PPP1R12A: variants seen among roughly 807,000 people sequenced by gnomAD.
PPP1R12A encodes myosin binding subunit.
Under a neutral mutation model 139.6 loss-of-function variants are expected in PPP1R12A, and 19 were observed. The ratio of observed to expected loss-of-function variants is 0.14; its 90% confidence interval spans 0.09 to 0.20. The LOEUF is 0.20. Among genes scored for constraint, PPP1R12A ranks in the 10% least tolerant of loss-of-function variants. The probability of loss-of-function intolerance (pLI) is 1.00; values close to 1 mark genes in which losing one functional copy is unlikely to be tolerated. For missense variants in PPP1R12A, 925 were observed against 1,211.5 expected (o/e 0.76, Z 3.51); for synonymous variants, 427 against 420.6 (o/e 1.02, Z -0.19).
Position 79,790,495 on chromosome 12 carries a change from G to A in PPP1R12A, c.2650-12C>T. ...GAAATGGAATCCGTCTGGAAAGAAA[G>A]AGAAAAACATAGGCATACTAAATTT... On this transcript the variant is annotated splice_polypyrimidine_tract_variant and intron_variant, in intron 19 of 24. Coordinates refer to ENST00000450142, the MANE Select transcript of PPP1R12A (RefSeq NM_002480.3). 1 of 1,382,442 alleles carries A rather than the reference G, an allele frequency of 7.2e-7. No homozygotes were observed. The highest frequency in any genetic ancestry group is 9.7e-7 in the Non-Finnish European group (1 of 1,026,828). The allele number at this position is 1,382,442 out of a possible 1,614,324, so 85.6% of individuals were successfully genotyped here. A position where few individuals can be genotyped will look rare whatever the true frequency, so the allele number is the denominator to read the frequency against.
intron 17 of PPP1R12A, 109 bp downstream of exon 17, chr12:79,796,673 A>G: frequency 2.3e-6 from 2 of 882,064 alleles, no homozygotes; most frequent in Non-Finnish European, 3.3e-6. Flanking sequence ...GGTTCGATGA[A>G]TCACAAGTTA....
chr12:79,777,129 G>A (rs1406722018), intron 24 of PPP1R12A: 1 of 901,382 alleles, frequency 1.1e-6, no homozygotes, highest in African/African-American at 1.8e-5. Flanking sequence ...AAAACATAAT[G>A]CATGCTTAAT....
At chr12:79,911,809 A>G (rs1268095554) in intron 1 of PPP1R12A, among the ~76,000 whole-genome samples, 1 of 151,410 alleles carries the variant, frequency 6.6e-6, no homozygotes, top group Non-Finnish European at 1.5e-5. Context: ...TCCAGGCACA[A>G]CTCTCCTCTC....
chr12:79,888,370 C>T (rs1026515371), intron 1 of PPP1R12A, among the ~76,000 whole-genome samples: 1 of 151,986 alleles, frequency 6.6e-6, no homozygotes, highest in African/African-American at 2.4e-5. Flanking sequence ...CCACTGATAC[C>T]CACAGTAACC....
intron 1 of PPP1R12A, among the ~76,000 whole-genome samples, chr12:79,876,936 G>A (rs1025363265): frequency 2.0e-5 from 3 of 151,992 alleles, no homozygotes; most frequent in Admixed American, 1.3e-4. Flanking sequence ...GCTTGACCCC[G>A]GGAGGCAGAG....
chr12:79,907,613 A>G (rs1179698269), intron 1 of PPP1R12A, among the ~76,000 whole-genome samples: 1 of 152,150 alleles, frequency 6.6e-6, no homozygotes, highest in Non-Finnish European at 1.5e-5. Flanking sequence ...ATAAAAATAA[A>G]TCTGTTCAGG....
At chr12:79,833,846 G>GAAA (rs371589074) in intron 3 of PPP1R12A, among the ~76,000 whole-genome samples, 26 of 116,756 alleles carry the variant, frequency 2.2e-4, no homozygotes, top group Middle Eastern at 4.5e-3. Flanking sequence ...CAAAGAAAAG[G>GAAA]AAAAAAAAAA....
At chr12:79,777,513 A>G (rs918291542) in intron 24 of PPP1R12A, 7 of 985,252 alleles carry the variant, frequency 7.1e-6, no homozygotes, top group Non-Finnish European at 8.4e-6. Flanking sequence ...TGATGAAACT[A>G]AAAATTATAG....
At chr12:79,810,114 G>A (rs1423237492) in intron 9 of PPP1R12A, 104 bp from the exon 10 acceptor site, 4 of 934,008 alleles carry the variant, frequency 4.3e-6, no homozygotes, top group Non-Finnish European at 6.2e-6. Flanking sequence ...TAAAATTATG[G>A]TTTACAGTTT....
At chr12:79,817,307 TA>T in intron 9 of PPP1R12A, 86 bp downstream of exon 9, 1 of 1,277,350 alleles carries the variant, frequency 7.8e-7, no homozygotes, top group Non-Finnish European at 1.1e-6. Flanking sequence ...GAACAGACTA[TA>T]AAAATTCAGA....
At chr12:79,795,606 C>T (rs1872420374) in intron 18 of PPP1R12A, 32 bp downstream of exon 18, 1 of 1,582,588 alleles carries the variant, frequency 6.3e-7, no homozygotes, top group Non-Finnish European at 8.6e-7. Flanking sequence ...ATCAAGAATA[C>T]TATCAAATAA....
intron 2 of PPP1R12A, among the ~76,000 whole-genome samples, chr12:79,872,231 A>C (rs1175857116): frequency 6.6e-6 from 1 of 152,160 alleles, no homozygotes; most frequent in African/African-American, 2.4e-5. Flanking sequence ...AATTTAATGA[A>C]AAAATTATTT....
Position 79,781,832 on chromosome 12 carries a change from A to G in PPP1R12A, c.2938T>C (p.Leu980=). The change falls in exon 23 of 25, where the codon TTG becomes CTG. Residue 980 remains leucine (L), a synonymous_variant. Coordinates refer to ENST00000450142, the MANE Select transcript of PPP1R12A (RefSeq NM_002480.3). ...ACACTTACCCTTTTTTCCATTTCCAACAGTGATCTATCAGCAAATCTTTCT... is the reference window on the plus strand; with the variant it reads ...ACACTTACCCTTTTTTCCATTTCCAGCAGTGATCTATCAGCAAATCTTTCT... ...RQERFADRSL[L]EMEKRERRAL... 5 of 1,542,120 alleles carry G rather than the reference A, an allele frequency of 3.2e-6. No homozygotes were observed. Among genetic ancestry groups the G allele is most frequent in the Non-Finnish European group, 4.4e-6 (5 of 1,140,118 alleles).
At chr12:79,921,728 C>A (rs937101992) in intron 1 of PPP1R12A, among the ~76,000 whole-genome samples, 5 of 152,156 alleles carry the variant, frequency 3.3e-5, no homozygotes, top group African/African-American at 1.2e-4. Context: ...ATGTTTCTTG[C>A]ATGAATGAGT....
chr12:79,875,382 C>A (rs1883001005), intron 1 of PPP1R12A, among the ~76,000 whole-genome samples: 1 of 152,288 alleles, frequency 6.6e-6, no homozygotes, highest in East Asian at 1.9e-4. Context: ...ACTCAAGGAG[C>A]CTTTAACTTG....
chr12:79,865,080 G>C (rs1881812280), intron 2 of PPP1R12A, among the ~76,000 whole-genome samples: 1 of 152,130 alleles, frequency 6.6e-6, no homozygotes, highest in Non-Finnish European at 1.5e-5. Context: ...TAAAATCCTG[G>C]CAAACCGAAT....
intron 14 of PPP1R12A, among the ~76,000 whole-genome samples, chr12:79,801,120 C>T (rs79609079): frequency 0.078 from 11,718 of 150,862 alleles, 761 homozygotes; most frequent in East Asian, 0.33. Context: ...CCGAGGCAGG[C>T]GGATCACCTG....
In PPP1R12A at chr12:79,805,772, T is replaced by C. The variant is rs1179240180; in HGVS notation, c.1824-4A>G. ...AGCCCACAAACGATTTGAGGTACTA[T>C]AGCATCATAAGCAGCAACACAAAAA... On this transcript the variant is annotated splice_region_variant and splice_polypyrimidine_tract_variant and intron_variant, in intron 13 of 24. Coordinates refer to ENST00000450142, the MANE Select transcript of PPP1R12A (RefSeq NM_002480.3). The C allele has an allele frequency of 2.5e-6, 4 of 1,608,226 alleles. No homozygotes were observed. Among genetic ancestry groups the C allele is most frequent in the Non-Finnish European group, 3.4e-6 (4 of 1,176,322 alleles).
rs760698022 is a variant in PPP1R12A, at chr12:79,821,160, T to C, written c.874A>G (p.Ser292Gly). The C allele has an allele frequency of 1.2e-6, 2 of 1,610,174 alleles. No homozygotes were observed. Among genetic ancestry groups the C allele is most frequent in the Non-Finnish European group, 1.7e-6 (2 of 1,176,830 alleles). The change falls in exon 7 of 25, where the codon AGT (serine) becomes GGT (glycine). Residue 292 changes from serine (S) to glycine (G), a missense_variant. Physicochemically the swap from Ser to Gly is moderately conservative, Grantham distance 56. Around this residue, in one of 4 missense-constraint regions of PPP1R12A, gnomAD observed 403 missense variants for 463.7 expected, o/e 0.87. Transcript: ENST00000450142. ...GGAGATTTCTTGTCCCGTTTTTCAC[T>C]ATGGAGCTTTGTACAAAGTTATGCA... ...ELQKKQNLLH[S>G]EKRDKKSPLI... is the part of the protein sequence containing the mutation.
Sources: allele counts gnomAD v4.1 joint callset (sites outside exome capture counted in the v4.1 genomes callset), GRCh38; gene constraint gnomAD v4.1.1; regional missense constraint gnomAD v4.1.1; transcripts MANE v1.5; gene names NCBI Gene and HGNC (gene_info 2026-07-23, HGNC 2026-07-21).